DLGAP1: variants seen among roughly 807,000 people sequenced by gnomAD.
The protein encoded by DLGAP1 is DLG associated protein 1, also known as disks large-associated protein 1.
In DLGAP1, 11 loss-of-function variants were observed where a neutral mutation model predicts 90.8. The observed-to-expected ratio is 0.12, with a 90% confidence interval of 0.08 to 0.20. DLGAP1 has a LOEUF of 0.20. Among genes scored for constraint, DLGAP1 ranks in the 10% least tolerant of loss-of-function variants. The probability of loss-of-function intolerance (pLI) is 1.00; values close to 1 mark genes in which losing one functional copy is unlikely to be tolerated. For missense variants in DLGAP1, 1,050 were observed against 1,333.8 expected (o/e 0.79, Z 3.31); for synonymous variants, 558 against 540.7 (o/e 1.03, Z -0.44).
At chr18:3,886,742 C>A (rs1395382274) in intron 3 of DLGAP1, among the ~76,000 whole-genome samples, 1 of 152,218 alleles carries the variant, frequency 6.6e-6, no homozygotes, top group Non-Finnish European at 1.5e-5. Context: ...TTGAAAAGTA[C>A]AAGCAGCCCT....
intron 1 of DLGAP1, among the ~76,000 whole-genome samples, chr18:4,269,432 C>T (rs754048880): frequency 4.7e-5 from 7 of 150,236 alleles, no homozygotes; most frequent in African/African-American, 7.3e-5. Flanking sequence ...CAGCTCACTG[C>T]AAGCTCTGCC....
At chr18:3,869,470 C>T (rs939683561) in intron 4 of DLGAP1, among the ~76,000 whole-genome samples, 4 of 152,110 alleles carry the variant, frequency 2.6e-5, no homozygotes, top group African/African-American at 4.8e-5. Flanking sequence ...GTGGGAGGGT[C>T]GCTTGAGCCC....
intron 2 of DLGAP1, among the ~76,000 whole-genome samples, chr18:4,038,039 G>A (rs990945258): frequency 6.6e-6 from 1 of 152,166 alleles, no homozygotes; most frequent in Non-Finnish European, 1.5e-5. Context: ...TCTTTTGATA[G>A]TCCTTCTATA....
At chr18:3,698,460 G>A (rs780368505) in intron 7 of DLGAP1, among the ~76,000 whole-genome samples, 86 of 152,154 alleles carry the variant, frequency 5.7e-4, no homozygotes, top group Non-Finnish European at 1.0e-3. Flanking sequence ...AGTTTGGCTG[G>A]ATATGAAATT....
intron 1 of DLGAP1, among the ~76,000 whole-genome samples, chr18:4,153,754 TC>T (rs2076711258): frequency 6.6e-6 from 1 of 152,200 alleles, no homozygotes; most frequent in Non-Finnish European, 1.5e-5. Flanking sequence ...TTTTCTAGAA[TC>T]AGCTACTTGG....
At chr18:4,382,475 A>C (rs367561549) in intron 1 of DLGAP1, among the ~76,000 whole-genome samples, 7 of 137,050 alleles carry the variant, frequency 5.1e-5, no homozygotes, top group African/African-American at 1.8e-4. Flanking sequence ...GGCCAATAAA[A>C]ACAGCATTAT....
In DLGAP1 at chr18:3,497,911, C is replaced by A. The variant is rs938521581; in HGVS notation, c.*1274G>T. The A allele has an allele frequency of 6.6e-6, 1 of 152,202 alleles. No homozygotes were observed. Among genetic ancestry groups the A allele is most frequent in the Admixed American group, 6.5e-5 (1 of 15,272 alleles). The allele number at this position is 152,202 out of a possible 1,614,324, so 9.4% of individuals were successfully genotyped here. On this transcript the variant is annotated 3_prime_UTR_variant, in exon 13 of 13. Coordinates refer to ENST00000315677, the MANE Select transcript of DLGAP1 (RefSeq NM_004746.4). ...GAGTTTCTTCTCTCACTACCTGGAA[C>A]CTCAAGATGACAGCGGCAGCTCTTT... is the stretch of plus-strand genomic sequence containing the variant.
chr18:3,527,065 G>A (rs1030124609), intron 10 of DLGAP1, among the ~76,000 whole-genome samples: 1 of 152,002 alleles, frequency 6.6e-6, no homozygotes, highest in East Asian at 1.9e-4. Flanking sequence ...GCATTTATCA[G>A]GGAAAACAGT....
intron 2 of DLGAP1, among the ~76,000 whole-genome samples, chr18:4,029,491 C>T (rs545786921): frequency 6.6e-4 from 100 of 152,254 alleles, no homozygotes; most frequent in South Asian, 1.0e-3. Flanking sequence ...ATCCATCTAA[C>T]GGCCTCTTAA....
chr18:4,148,361 T>G (rs958402046), intron 2 of DLGAP1, among the ~76,000 whole-genome samples: 1 of 152,144 alleles, frequency 6.6e-6, no homozygotes, highest in African/African-American at 2.4e-5. Flanking sequence ...AATGTCTGCT[T>G]AAGAAATTTA....
rs745392034 is a variant in DLGAP1, at chr18:3,880,032, C to G, written c.37G>C (p.Gly13Arg). 6.2e-7 allele frequency: 1 copy of G among 1,606,206 alleles called. No homozygotes were observed. The highest frequency in any genetic ancestry group is 1.3e-5 in the African/African-American group (1 of 74,898). Reference protein sequence around the residue: ...GLSGSRSHHHGVTCDSACDSL... With the variant: ...GLSGSRSHHHRVTCDSACDSL... ...TCACAGGCCGAGTCGCAGGTGACCC[C>G]GTGGTGATGGCTGCGGCTGCCTGAT... The change falls in exon 4 of 13, where the codon GGG (glycine) becomes CGG (arginine). Residue 13 changes from glycine to arginine, a missense_variant. This residue lies in a region of DLGAP1 where 485 missense variants were observed against 454.1 expected (regional missense o/e 1.07). Coordinates refer to ENST00000315677, the MANE Select transcript of DLGAP1 (RefSeq NM_004746.4).
intron 9 of DLGAP1, among the ~76,000 whole-genome samples, chr18:3,552,191 T>C (rs1340559333): frequency 6.6e-6 from 1 of 152,118 alleles, no homozygotes; most frequent in East Asian, 1.9e-4. Context: ...AACTTCCACA[T>C]CCCTCATGGA....
chr18:4,409,521 A>G (rs1279593686), intron 1 of DLGAP1, among the ~76,000 whole-genome samples: 2 of 152,208 alleles, frequency 1.3e-5, no homozygotes, highest in African/African-American at 4.8e-5. Context: ...GGGATATAAA[A>G]TTAATATCGA....
intron 1 of DLGAP1, among the ~76,000 whole-genome samples, chr18:4,203,232 G>A (rs755254719): frequency 4.0e-5 from 6 of 148,508 alleles, no homozygotes; most frequent in Non-Finnish European, 5.9e-5. Flanking sequence ...ATGAGATCGC[G>A]CCACTGCACT....
intron 3 of DLGAP1, among the ~76,000 whole-genome samples, chr18:3,941,921 C>T (rs148071380): frequency 1.3e-5 from 2 of 152,214 alleles, no homozygotes; most frequent in East Asian, 1.9e-4. Flanking sequence ...ACTACATTGC[C>T]CAGGCTAGTC....
chr18:4,224,377 T>C (rs1033066135), intron 1 of DLGAP1, among the ~76,000 whole-genome samples: 3 of 151,772 alleles, frequency 2.0e-5, no homozygotes, highest in African/African-American at 7.3e-5. Context: ...CATAAGGAGG[T>C]AGAGTACCAA....
At chr18:3,524,680 C>T (rs1000142735) in intron 10 of DLGAP1, among the ~76,000 whole-genome samples, 4 of 152,074 alleles carry the variant, frequency 2.6e-5, no homozygotes, top group African/African-American at 9.7e-5. Flanking sequence ...CCTAGGAGTT[C>T]AAGACCAGAC....
intron 4 of DLGAP1, among the ~76,000 whole-genome samples, chr18:3,815,164 A>G (rs2067040694): frequency 6.6e-6 from 1 of 152,220 alleles, no homozygotes. Context: ...GGGAATGTTT[A>G]CTGATTGATC....
chr18:4,449,842 A>G (rs1055208886), intron 1 of DLGAP1, among the ~76,000 whole-genome samples: 4 of 152,196 alleles, frequency 2.6e-5, no homozygotes, highest in Admixed American at 6.5e-5. Flanking sequence ...ACAGCATTCC[A>G]AGGAGAGGGG....
Sources: gnomAD v4.1 joint callset for allele counts (sites outside exome capture counted in the v4.1 genomes callset) on GRCh38, gnomAD v4.1.1 for gene constraint, gnomAD v4.1.1 regional missense constraint, MANE v1.5 for transcripts, NCBI Gene and HGNC (gene_info 2026-07-23, HGNC 2026-07-21) for gene names.